Variants in ICE1 observed in about 807,000 individuals in gnomAD.
ICE1 encodes the protein interactor of little elongation complex ELL subunit 1, also known as little elongation complex subunit 1.
Under a neutral mutation model 192.7 loss-of-function variants are expected in ICE1, and 64 were observed. The ratio of observed to expected loss-of-function variants is 0.33; its 90% CI spans 0.27 to 0.41. The LOEUF (loss-of-function observed/expected upper bound fraction) is 0.41, where lower values mean the gene tolerates loss of function less well. ICE1 is among the 10% of genes least tolerant of loss of function. The probability of loss-of-function intolerance (pLI) is 1.00; values close to 1 mark genes in which losing one functional copy is unlikely to be tolerated. For missense variants in ICE1, 2,708 were observed against 2,696.0 expected, an observed-to-expected ratio of 1.00 and a Z score of -0.10; for synonymous variants, 1,010 against 984.5, an observed-to-expected ratio of 1.03 and a Z score of -0.49.
At chr5:5,436,507 CT>C (rs1446785955) in intron 2 of ICE1, 31 bp downstream of exon 2, 3 of 1,294,636 alleles carry the variant, frequency 2.3e-6, no homozygotes, top group Non-Finnish European at 3.1e-6. Context: ...TTTGGCAGAA[CT>C]TTGTAAACCT....
chr5:5,478,568 C>T (rs1384789435), intron 17 of ICE1, among the ~76,000 whole-genome samples: 3 of 152,174 alleles, frequency 2.0e-5, no homozygotes, highest in Non-Finnish European at 4.4e-5. Flanking sequence ...ATCAAGCTAC[C>T]ACTGACTTTC....
intron 18 of ICE1, among the ~76,000 whole-genome samples, chr5:5,488,411 C>T (rs1739685209): frequency 6.6e-6 from 1 of 152,182 alleles, no homozygotes; most frequent in Non-Finnish European, 1.5e-5. Context: ...CAGAATGCTC[C>T]AGTGAGTATT....
In ICE1 at chr5:5,462,650, G is replaced by A. The variant is rs371197258; in HGVS notation, c.3316G>A (p.Asp1106Asn). Residue 1106 changes from aspartate to asparagine, a missense_variant, in exon 13 of 19, where the codon GAC becomes AAC. Physicochemically the swap from Asp to Asn is conservative, Grantham distance 23. Transcript: ENST00000296564. ...CYTGIREGGD[D>N]TEVESEAFSC... ...CACAGGCATTCGAGAGGGGGGAGACGACACTGAGGTAGAGAGTGAGGCATT... is the reference window on the plus strand; with the variant it reads ...CACAGGCATTCGAGAGGGGGGAGACAACACTGAGGTAGAGAGTGAGGCATT... 20 of 1,613,802 alleles carry A rather than the reference G, an allele frequency of 1.2e-5. No homozygotes were observed. The highest frequency in any genetic ancestry group is 2.2e-5 in the East Asian group (1 of 44,886).
intron 1 of ICE1, 147 bp downstream of exon 1, chr5:5,423,146 GCT>G: frequency 2.3e-6 from 1 of 432,938 alleles, no homozygotes; most frequent in African/African-American, 2.1e-5. Context: ...TCGTCTCTCT[GCT>G]CTCTTTTTCC....
In ICE1 at chr5:5,460,990, G is replaced by A. The variant is rs188665939; in HGVS notation, c.1656G>A (p.Leu552=). The A allele has an allele frequency of 4.9e-5, 79 of 1,614,040 alleles. No individual in the cohort carries two copies. In the Admixed American group the frequency reaches 1.3e-3, roughly 27 times the overall value. ...ELMESEGKTV[L]SKMMGSPKSE... is the part of the protein sequence containing the mutation. Reference sequence around the variant, plus strand: ...TGGAATCTGAAGGAAAAACCGTATTGTCTAAAATGATGGGATCGCCCAAAT... The same window carrying A: ...TGGAATCTGAAGGAAAAACCGTATTATCTAAAATGATGGGATCGCCCAAAT... The change falls in exon 13 of 19, where the codon TTG becomes TTA. Residue 552 remains leucine (L), a synonymous_variant. Coordinates refer to ENST00000296564, the MANE Select transcript of ICE1 (RefSeq NM_015325.3).
intron 17 of ICE1, 93 bp downstream of exon 17, chr5:5,476,172 T>C (rs1170409395): frequency 7.8e-6 from 5 of 637,826 alleles, no homozygotes; most frequent in African/African-American, 3.8e-5. Context: ...ATGCTGACTT[T>C]GAAAATTTCT....
At chr5:5,460,248 G>A (rs1035278984) in intron 12 of ICE1, among the ~76,000 whole-genome samples, 188 bp from the exon 13 acceptor site, 4 of 152,200 alleles carry the variant, frequency 2.6e-5, no homozygotes, top group African/African-American at 9.6e-5. Context: ...TAAGGAGAGA[G>A]CAGAACAGTG....
At chr5:5,480,616 A>G (rs746845274) in intron 17 of ICE1, among the ~76,000 whole-genome samples, 30 of 152,328 alleles carry the variant, frequency 2.0e-4, no homozygotes, top group Non-Finnish European at 3.7e-4. Flanking sequence ...AATCGGTTAT[A>G]TAAGTCAGTC....
chr5:5,439,929 T>G lies in ICE1; in HGVS notation c.197+16T>G, dbSNP rs895981549. ...TTGCAAGAAGGTGAGCCAACCTGTT[T>G]CATAGTTTATGATACCACCTATATG... On this transcript the variant is annotated intron_variant, in intron 4 of 18. Transcript: ENST00000296564. The G allele has an allele frequency of 6.5e-7, 1 of 1,541,276 alleles. No homozygotes were observed. The highest frequency in any genetic ancestry group is 1.4e-5 in the African/African-American group (1 of 72,834).
chr5:5,423,730 C>G (rs924185908), intron 1 of ICE1, among the ~76,000 whole-genome samples: 4 of 152,178 alleles, frequency 2.6e-5, no homozygotes, highest in South Asian at 2.1e-4. Context: ...TCCTAGCTGC[C>G]TGATGTCGGG....
chr5:5,442,319 G>T (rs555772325), intron 5 of ICE1, among the ~76,000 whole-genome samples: 5 of 152,292 alleles, frequency 3.3e-5, no homozygotes, highest in African/African-American at 1.2e-4. Context: ...TCCTCAAATT[G>T]TGCTATTTTA....
At chr5:5,454,493 C>G (rs941980234) in intron 10 of ICE1, 59 bp from the exon 11 acceptor site, 19 of 1,145,654 alleles carry the variant, frequency 1.7e-5, no homozygotes, top group Non-Finnish European at 2.5e-5. Flanking sequence ...GAAGTATGTT[C>G]TGGCCTTGTG....
intron 7 of ICE1, among the ~76,000 whole-genome samples, chr5:5,445,212 A>C (rs768524838): frequency 6.6e-6 from 1 of 152,170 alleles, no homozygotes; most frequent in African/African-American, 2.4e-5. Flanking sequence ...ATTTCTAGTC[A>C]CTAATTTTTC....
intron 15 of ICE1, among the ~76,000 whole-genome samples, chr5:5,471,387 C>T (rs1191369236): frequency 6.6e-6 from 1 of 151,934 alleles, no homozygotes; most frequent in Non-Finnish European, 1.5e-5. Context: ...GAGTTTTAAT[C>T]TAATCTTTAA....
intron 1 of ICE1, among the ~76,000 whole-genome samples, 192 bp downstream of exon 1, chr5:5,423,191 T>C (rs939850478): frequency 1.3e-5 from 2 of 152,142 alleles, no homozygotes; most frequent in Non-Finnish European, 2.9e-5. Context: ...TTCTTTGCTT[T>C]ATTTAAGCTT....
rs747192897 is a variant in ICE1, at chr5:5,460,790, A to G, written c.1456A>G (p.Met486Val). ...RDILHETKTQ[M>V]EVREMDKSVQ... ...CATTTTACATGAGACAAAAACACAA[A>G]TGGAGGTTAGGGAGATGGATAAGTC... Residue 486 changes from methionine (M) to valine (V), a missense_variant, in exon 13 of 19, where the codon ATG (methionine) becomes GTG (valine). Transcript: ENST00000296564. 4 of 1,613,950 alleles carry G rather than the reference A, an allele frequency of 2.5e-6. No individual in the cohort carries two copies. The South Asian group carries it at 3.3e-5, about 13-fold the overall frequency.
intron 7 of ICE1, among the ~76,000 whole-genome samples, chr5:5,444,884 A>G (rs939221524): frequency 2.0e-5 from 3 of 152,154 alleles, no homozygotes; most frequent in Non-Finnish European, 4.4e-5. Context: ...AAGTCCTCAC[A>G]TTTCAGCTAA....
At chr5:5,480,406 C>T (rs942072444) in intron 17 of ICE1, among the ~76,000 whole-genome samples, 2 of 152,000 alleles carry the variant, frequency 1.3e-5, no homozygotes, top group South Asian at 2.1e-4. Flanking sequence ...CCCGCCACCA[C>T]GCCCGGCTAA....
intron 3 of ICE1, chr5:5,437,565 A>G (rs1383517840): frequency 6.4e-6 from 1 of 157,058 alleles, no homozygotes; most frequent in South Asian, 1.9e-4. Context: ...GTATATATAT[A>G]TCTCCAAAAT....
Sources: allele counts gnomAD v4.1 joint callset (sites outside exome capture counted in the v4.1 genomes callset), GRCh38; gene constraint gnomAD v4.1.1; transcripts MANE v1.5; gene names NCBI Gene and HGNC (gene_info 2026-07-23, HGNC 2026-07-21).